NAGK: variants seen among roughly 807,000 people sequenced by gnomAD.
The protein encoded by NAGK is N-acetyl-D-glucosamine kinase.
Under a neutral mutation model 42.9 loss-of-function variants are expected in NAGK, and 35 were observed. That is an observed-to-expected ratio of 0.82 (90% CI 0.62 to 1.08). The LOEUF is 1.08. Among genes scored for constraint, NAGK ranks in the 50% least tolerant of loss-of-function variants. The pLI is 0.00. For synonymous variants in NAGK, 172 were observed against 176.0 expected, an observed-to-expected ratio of 0.98 and a Z score of 0.18; for missense variants, 446 against 446.0, an observed-to-expected ratio of 1.00 and a Z score of 0.00.
chr2:71,077,461 G>A, intron 8 of NAGK, 97 bp from the exon 9 acceptor site: 8 of 1,192,736 alleles, frequency 6.7e-6, no homozygotes, highest in Non-Finnish European at 9.7e-6. Context: ...TTGAGGGCGA[G>A]TAACTGGGAT....
chr2:71,069,210 G>A (rs1237689885), intron 1 of NAGK: 1 of 589,086 alleles, frequency 1.7e-6, no homozygotes, highest in Non-Finnish European at 2.1e-6. Context: ...CATCCCTGTT[G>A]GCCTTCCATG....
chr2:71,073,332 C>T, intron 5 of NAGK, 150 bp from the exon 6 acceptor site: 3 of 458,826 alleles, frequency 6.5e-6, no homozygotes, highest in South Asian at 5.5e-5. Flanking sequence ...CCACCCCCCT[C>T]TCCCACCCCC....
chr2:71,074,479 T>C (rs1337393231), intron 6 of NAGK: 1 of 152,338 alleles, frequency 6.6e-6, no homozygotes, highest in African/African-American at 2.4e-5. Flanking sequence ...ACTCTACTGA[T>C]AGGTCTACTG....
chr2:71,072,741 T>G lies in NAGK; in HGVS notation c.456T>G (p.Asp152Glu). 6.2e-7 allele frequency: 1 copy of G among 1,613,710 alleles called. No homozygotes were observed. The highest frequency in any genetic ancestry group is 8.5e-7 in the Non-Finnish European group (1 of 1,179,764). ...GCGGWGHMMG[D>E]EGSAYWIAHQ... ...GCGGCTGGGGCCATATGATGGGTGATGAGGGTTCAGGTGAGCTCACTGACT... is the reference window on the plus strand; with the variant it reads ...GCGGCTGGGGCCATATGATGGGTGAGGAGGGTTCAGGTGAGCTCACTGACT... Residue 152 changes from aspartate (D) to glutamate (E), a missense_variant, in exon 5 of 10, where the codon GAT becomes GAG. Transcript: ENST00000244204.
At chr2:71,069,698 C>G (rs1026352313) in intron 1 of NAGK, 1 of 154,594 alleles carries the variant, frequency 6.5e-6, no homozygotes, top group Non-Finnish European at 1.5e-5. Context: ...TGGAATCTGC[C>G]ACCTCATGTA....
At chr2:71,068,489 G>A, upstream of NAGK, 16 of 1,417,936 alleles carry the variant, frequency 1.1e-5, no homozygotes, top group South Asian at 1.5e-5. Flanking sequence ...ACACCAGAAG[G>A]AAGACAGCCT....
intron 3 of NAGK, 160 bp downstream of exon 3, chr2:71,070,999 T>C (rs577758601): frequency 1.5e-5 from 11 of 710,204 alleles, no homozygotes; most frequent in Admixed American, 1.5e-4. Flanking sequence ...ATGGCTTCAG[T>C]TGCCACCTAC....
chr2:71,076,751 C>A, intron 8 of NAGK, 50 bp downstream of exon 8: 1 of 1,480,894 alleles, frequency 6.8e-7, no homozygotes, highest in South Asian at 1.1e-5. Context: ...GAGGAGTGGT[C>A]CTTTCCCACT....
At chr2:71,068,580 G>T (rs1374083637), upstream of NAGK, 1 of 1,519,640 alleles carries the variant, frequency 6.6e-7, no homozygotes, top group Non-Finnish European at 8.8e-7. Context: ...CTGGCTGCGC[G>T]GGAGGTCACG....
chr2:71,068,433 G>C, upstream of NAGK: 1 of 1,337,998 alleles, frequency 7.5e-7, no homozygotes, highest in Non-Finnish European at 9.7e-7. Flanking sequence ...GGATCCAGGA[G>C]GACGGGAGGG....
In NAGK at chr2:71,072,425, G is replaced by A; in HGVS notation, c.356-216G>A. Reference sequence around the variant, plus strand: ...GAGGTGCAGGCTTGCATTTCTCTTTGTCCCCCTAGACGAGGGCGTTATGGG... The same window carrying A: ...GAGGTGCAGGCTTGCATTTCTCTTTATCCCCCTAGACGAGGGCGTTATGGG... On this transcript the variant is annotated intron_variant, in intron 4 of 9. Coordinates refer to ENST00000244204, the MANE Select transcript of NAGK (RefSeq NM_017567.6). 1.2e-5 allele frequency: 6 copies of A among 520,262 alleles called. No individual in the cohort carries two copies. The South Asian group carries it at 1.3e-4, about 11-fold the overall frequency. The allele number at this position is 520,262 out of a possible 1,614,324, so 32.2% of individuals were successfully genotyped here.
chr2:71,072,524 G>T, intron 4 of NAGK, 117 bp from the exon 5 acceptor site: 1 of 797,008 alleles, frequency 1.3e-6, no homozygotes. Flanking sequence ...CTCCTCTACA[G>T]GACTGGGTGG....
upstream of NAGK, chr2:71,068,405 T>C: frequency 1.7e-6 from 2 of 1,182,636 alleles, no homozygotes; most frequent in South Asian, 1.8e-5. Flanking sequence ...TTGGGATTAG[T>C]GTCCATCTCT....
intron 9 of NAGK, 63 bp from the exon 10 acceptor site, chr2:71,078,255 T>C: frequency 6.5e-7 from 1 of 1,540,164 alleles, no homozygotes; most frequent in Non-Finnish European, 9.0e-7. Flanking sequence ...TCTGTCTTCC[T>C]TCCTGGCCCC....
At chr2:71,071,097 G>C (rs141750673) in intron 3 of NAGK, 2 of 480,044 alleles carry the variant, frequency 4.2e-6, no homozygotes, top group Non-Finnish European at 7.7e-6. Flanking sequence ...CAGTATCTGC[G>C]TAACCCTGTG....
At chr2:71,068,841 G>C (rs573912591) in intron 1 of NAGK, 129 bp downstream of exon 1, 1 of 1,390,244 alleles carries the variant, frequency 7.2e-7, no homozygotes, top group Non-Finnish European at 9.3e-7. Context: ...GCGGTGAAGA[G>C]GTGTGTGCAC....
In NAGK at chr2:71,078,562, G is replaced by A. The variant is rs1390009344; in HGVS notation, c.*54G>A. 1.5e-5 allele frequency: 22 copies of A among 1,446,086 alleles called. 1 individual carries two copies. Among genetic ancestry groups the A allele is most frequent in the Admixed American group, 2.9e-5 (1 of 34,784 alleles). 89.6% of individuals were successfully genotyped at this position (1,446,086 alleles called of 1,614,324 possible). ...AGCTCAGTGGACACTGGGTCTGAAA[G>A]GAAGGAGTCTTTTGCTTCCTTTCTC... On this transcript the variant is annotated 3_prime_UTR_variant, in exon 10 of 10. Transcript: ENST00000244204.
intron 6 of NAGK, among the ~76,000 whole-genome samples, chr2:71,073,997 G>T (rs545892258): frequency 1.3e-5 from 2 of 152,146 alleles, no homozygotes; most frequent in African/African-American, 4.8e-5. Flanking sequence ...GGCCTGGATG[G>T]GTCAAGAGAG....
upstream of NAGK, chr2:71,068,492 G>A (rs995070205): frequency 1.7e-5 from 24 of 1,418,544 alleles, no homozygotes; most frequent in Admixed American, 3.1e-5. Flanking sequence ...CCAGAAGGAA[G>A]ACAGCCTGAG....
Sources: gnomAD v4.1 joint callset for allele counts (sites outside exome capture counted in the v4.1 genomes callset) on GRCh38, gnomAD v4.1.1 for gene constraint, MANE v1.5 for transcripts, NCBI Gene and HGNC (gene_info 2026-07-23, HGNC 2026-07-21) for gene names.